The following SLC24A2 variants were observed in gnomAD, a reference collection of about 807,000 sequenced individuals.
SLC24A2 encodes the protein sodium/potassium/calcium exchanger 2.
A neutral mutation model predicts 62.0 loss-of-function variants in SLC24A2; 36 were observed. The ratio of observed to expected loss-of-function variants is 0.58; its 90% confidence interval spans 0.44 to 0.77. The LOEUF is 0.77. SLC24A2 is among the 30% of genes least tolerant of loss of function. SLC24A2 has a pLI of 0.00. For missense variants in SLC24A2, 846 were observed against 817.9 expected (o/e 1.03, Z -0.42); for synonymous variants, 358 against 294.0 (o/e 1.22, Z -2.23).
the SLC24A2 span, among the ~76,000 whole-genome samples, chr9:20,212,957 T>G: frequency 6.6e-6 from 1 of 151,470 alleles, no homozygotes; most frequent in Non-Finnish European, 1.5e-5. Context: ...CACTTATAAG[T>G]GGGAGTTGAA....
chr9:19,563,637 G>T (rs1278828232), intron 7 of SLC24A2, among the ~76,000 whole-genome samples: 1 of 152,142 alleles, frequency 6.6e-6, no homozygotes, highest in African/African-American at 2.4e-5. Flanking sequence ...TTAAACAACA[G>T]TGACGATGCC....
chr9:20,098,973 A>G, the SLC24A2 span, among the ~76,000 whole-genome samples: 1 of 152,234 alleles, frequency 6.6e-6, no homozygotes, highest in African/African-American at 2.4e-5. Flanking sequence ...TACTGAAAAG[A>G]AAGCCAGCAA....
At chr9:19,939,878 C>G in the SLC24A2 span, among the ~76,000 whole-genome samples, 1 of 152,300 alleles carries the variant, frequency 6.6e-6, no homozygotes. Flanking sequence ...CTGCCAAATC[C>G]CTTCTCCAGA....
At chr9:20,141,767 T>C in the SLC24A2 span, among the ~76,000 whole-genome samples, 2 of 152,124 alleles carry the variant, frequency 1.3e-5, no homozygotes, top group South Asian at 2.1e-4. Context: ...CTGCACCTAA[T>C]ACGCTATAAA....
the SLC24A2 span, among the ~76,000 whole-genome samples, chr9:20,292,625 G>A: frequency 0.14 from 21,675 of 152,042 alleles, 1,931 homozygotes; most frequent in East Asian, 0.28. Context: ...TTTGTTTTTG[G>A]GATAGTATCT....
chr9:19,916,259 T>C, the SLC24A2 span, among the ~76,000 whole-genome samples: 3 of 152,050 alleles, frequency 2.0e-5, no homozygotes, highest in African/African-American at 7.2e-5. Context: ...ATTCCATTGG[T>C]ATATATGTCT....
chr9:19,833,470 C>T, the SLC24A2 span, among the ~76,000 whole-genome samples: 3 of 152,192 alleles, frequency 2.0e-5, no homozygotes, highest in East Asian at 1.9e-4. Context: ...CATGGAACCT[C>T]GCTCATTGCT....
the SLC24A2 span, among the ~76,000 whole-genome samples, chr9:19,977,407 G>A: frequency 6.6e-6 from 1 of 152,058 alleles, no homozygotes; most frequent in Non-Finnish European, 1.5e-5. Flanking sequence ...GAAAAATAAT[G>A]AAATAAAACC....
At chr9:19,521,685 C>T (rs1000065988) in intron 9 of SLC24A2, among the ~76,000 whole-genome samples, 2 of 152,130 alleles carry the variant, frequency 1.3e-5, no homozygotes, top group African/African-American at 4.8e-5. Context: ...AATTTCTTGA[C>T]ATTTTGCTTA....
At chr9:19,943,658 A>C in the SLC24A2 span, among the ~76,000 whole-genome samples, 63 of 152,324 alleles carry the variant, frequency 4.1e-4, no homozygotes, top group South Asian at 2.1e-3. Context: ...ATGTTCTGCT[A>C]ATCTATCTGT....
At chr9:20,197,875 T>C in the SLC24A2 span, among the ~76,000 whole-genome samples, 28 of 152,286 alleles carry the variant, frequency 1.8e-4, no homozygotes, top group African/African-American at 6.0e-4. Flanking sequence ...CAACAGTCAC[T>C]CATGAATGTA....
intron 7 of SLC24A2, among the ~76,000 whole-genome samples, chr9:19,568,860 C>T (rs536812978): frequency 8.5e-5 from 13 of 152,246 alleles, no homozygotes; most frequent in South Asian, 4.2e-4. Context: ...AGTTTCCTAC[C>T]GCCCCAGCCC....
At chr9:20,019,295 G>GAAAGAA in the SLC24A2 span, among the ~76,000 whole-genome samples, 2 of 149,978 alleles carry the variant, frequency 1.3e-5, no homozygotes, top group Admixed American at 6.6e-5. Flanking sequence ...AAGAAAGAAA[G>GAAAGAA]AAAGAAAGAA....
chr9:20,257,913 T>C, the SLC24A2 span, among the ~76,000 whole-genome samples: 2 of 152,194 alleles, frequency 1.3e-5, no homozygotes, highest in Admixed American at 1.3e-4. Context: ...CCTTAGCTCA[T>C]GGAGTCTGTG....
the SLC24A2 span, among the ~76,000 whole-genome samples, chr9:19,812,931 G>A: frequency 6.6e-6 from 1 of 152,112 alleles, no homozygotes; most frequent in East Asian, 1.9e-4. Flanking sequence ...GTATTTTCTG[G>A]GCACCTGAAA....
the SLC24A2 span, among the ~76,000 whole-genome samples, chr9:20,011,956 T>A: frequency 6.6e-6 from 1 of 152,114 alleles, no homozygotes; most frequent in Non-Finnish European, 1.5e-5. Context: ...ATCACCTCAA[T>A]AGATGCATAA....
chr9:19,702,611 C>A (rs1587179801), intron 2 of SLC24A2, among the ~76,000 whole-genome samples: 1 of 152,180 alleles, frequency 6.6e-6, no homozygotes, highest in Non-Finnish European at 1.5e-5. Context: ...ACAATAACAA[C>A]TGATGTCTGC....
chr9:19,750,570 C>T (rs756957792), intron 2 of SLC24A2, among the ~76,000 whole-genome samples: 1 of 152,144 alleles, frequency 6.6e-6, no homozygotes, highest in Non-Finnish European at 1.5e-5. Context: ...AGGGTCTGAA[C>T]TGAGCTCTGC....
the SLC24A2 span, among the ~76,000 whole-genome samples, chr9:19,886,811 A>G: frequency 6.6e-6 from 1 of 152,240 alleles, no homozygotes; most frequent in African/African-American, 2.4e-5. Context: ...CAAAATGCCA[A>G]TCAATGATAG....
Sources: allele counts gnomAD v4.1 joint callset (sites outside exome capture counted in the v4.1 genomes callset), GRCh38; gene constraint gnomAD v4.1.1; transcripts MANE v1.5; gene names NCBI Gene and HGNC (gene_info 2026-07-23, HGNC 2026-07-21).